The following GALNTL6 variants were observed in gnomAD, a reference collection of about 807,000 sequenced individuals.
GALNTL6 encodes polypeptide N-acetylgalactosaminyltransferase-like 6.
GALNTL6 carries 46 observed loss-of-function variants against 73.7 expected under a neutral mutation model. That is an observed-to-expected ratio of 0.62 (90% CI 0.49 to 0.80). The LOEUF (loss-of-function observed/expected upper bound fraction) is 0.80, where lower values mean the gene tolerates loss of function less well. GALNTL6 is among the 30% of genes least tolerant of loss of function. The pLI is 0.00. For missense variants in GALNTL6, 604 were observed against 755.0 expected, an observed-to-expected ratio of 0.80 and a Z score of 2.34; for synonymous variants, 259 against 263.7, an observed-to-expected ratio of 0.98 and a Z score of 0.17.
At chr4:172,859,243 C>T (rs1467331694) in intron 7 of GALNTL6, among the ~76,000 whole-genome samples, 1 of 152,054 alleles carries the variant, frequency 6.6e-6, no homozygotes, top group Admixed American at 6.6e-5. Context: ...GTTCCAGAGG[C>T]CTTGTTGAAG....
intron 2 of GALNTL6, among the ~76,000 whole-genome samples, chr4:171,956,091 C>T (rs944356994): frequency 6.6e-6 from 1 of 151,554 alleles, no homozygotes; most frequent in African/African-American, 2.4e-5. Flanking sequence ...CAGCCTGAAA[C>T]TCTGGGGCTC....
At chr4:172,220,118 A>T (rs1373390847) in intron 2 of GALNTL6, among the ~76,000 whole-genome samples, 1 of 151,772 alleles carries the variant, frequency 6.6e-6, no homozygotes. Flanking sequence ...ATTAAATAAC[A>T]TAAGAAGATC....
intron 8 of GALNTL6, among the ~76,000 whole-genome samples, chr4:172,900,551 T>C (rs1173721415): frequency 6.6e-6 from 1 of 152,170 alleles, no homozygotes; most frequent in Non-Finnish European, 1.5e-5. Context: ...ATTGTTCAAA[T>C]ATTAGCTGGG....
chr4:172,433,803 T>C (rs1731546380), intron 5 of GALNTL6, among the ~76,000 whole-genome samples: 1 of 152,080 alleles, frequency 6.6e-6, no homozygotes, highest in Non-Finnish European at 1.5e-5. Context: ...TTACTTTCTC[T>C]TACTCAGGAA....
intron 2 of GALNTL6, among the ~76,000 whole-genome samples, chr4:171,982,354 G>T (rs1217870287): frequency 6.6e-6 from 1 of 152,146 alleles, no homozygotes; most frequent in Non-Finnish European, 1.5e-5. Context: ...CTGGAGTGCA[G>T]TGGCGCGATC....
intron 3 of GALNTL6, among the ~76,000 whole-genome samples, chr4:172,305,283 T>C (rs556073433): frequency 6.6e-6 from 1 of 152,256 alleles, no homozygotes; most frequent in Non-Finnish European, 1.5e-5. Context: ...CTATCTGCCT[T>C]AAGTATACAT....
chr4:172,725,061 C>T (rs894439730), intron 5 of GALNTL6, among the ~76,000 whole-genome samples: 4 of 152,006 alleles, frequency 2.6e-5, no homozygotes, highest in Non-Finnish European at 4.4e-5. Context: ...CCCCTGTCTC[C>T]GTGCTTCTGT....
At chr4:171,863,821 A>T (rs1319713271) in intron 2 of GALNTL6, among the ~76,000 whole-genome samples, 4 of 151,950 alleles carry the variant, frequency 2.6e-5, no homozygotes, top group African/African-American at 9.7e-5. Context: ...GAAATGGCAC[A>T]ATGGCAGCTC....
chr4:172,602,368 A>G (rs994005244), intron 5 of GALNTL6, among the ~76,000 whole-genome samples: 1 of 152,162 alleles, frequency 6.6e-6, no homozygotes, highest in African/African-American at 2.4e-5. Flanking sequence ...CAAAAATATT[A>G]GTACATATTA....
chr4:172,897,900 G>A (rs1746413432), intron 8 of GALNTL6, among the ~76,000 whole-genome samples: 1 of 152,208 alleles, frequency 6.6e-6, no homozygotes, highest in Non-Finnish European at 1.5e-5. Flanking sequence ...TCAGTGAGAT[G>A]TAGCCATGCC....
At chr4:172,437,134 T>G (rs1296883642) in intron 5 of GALNTL6, among the ~76,000 whole-genome samples, 1 of 152,128 alleles carries the variant, frequency 6.6e-6, no homozygotes, top group Non-Finnish European at 1.5e-5. Context: ...CTCCATGGAA[T>G]CGTTATTACG....
chr4:172,374,952 A>G (rs907488334), intron 5 of GALNTL6, among the ~76,000 whole-genome samples: 1 of 152,174 alleles, frequency 6.6e-6, no homozygotes, highest in Non-Finnish European at 1.5e-5. Flanking sequence ...TCAGAGAGGG[A>G]GAAGGGGACA....
intron 5 of GALNTL6, among the ~76,000 whole-genome samples, chr4:172,588,750 A>G (rs548953867): frequency 2.0e-5 from 3 of 152,122 alleles, no homozygotes; most frequent in South Asian, 4.1e-4. Context: ...GTCCAAATAT[A>G]TGGGCATACA....
intron 5 of GALNTL6, among the ~76,000 whole-genome samples, chr4:172,456,105 G>C (rs952525115): frequency 6.6e-6 from 1 of 152,094 alleles, no homozygotes; most frequent in Non-Finnish European, 1.5e-5. Context: ...TGCAGCAGAG[G>C]GACCTGACTG....
chr4:171,889,529 G>C (rs1217790480), intron 2 of GALNTL6, among the ~76,000 whole-genome samples: 2 of 152,030 alleles, frequency 1.3e-5, no homozygotes, highest in Non-Finnish European at 1.5e-5. Context: ...AAGAAAATCA[G>C]CTCATTAAAT....
At chr4:171,975,871 A>T (rs1395601154) in intron 2 of GALNTL6, among the ~76,000 whole-genome samples, 1 of 152,198 alleles carries the variant, frequency 6.6e-6, no homozygotes, top group Non-Finnish European at 1.5e-5. Context: ...GACTAAAAAA[A>T]TTAATAAGTT....
intron 2 of GALNTL6, among the ~76,000 whole-genome samples, chr4:171,949,569 G>A (rs1326332045): frequency 6.6e-6 from 1 of 152,192 alleles, no homozygotes; most frequent in Non-Finnish European, 1.5e-5. Flanking sequence ...AAAGTAGATT[G>A]AGGTGGAAAG....
At chr4:172,309,327 C>A (rs1462896034) in intron 3 of GALNTL6, among the ~76,000 whole-genome samples, 1 of 151,830 alleles carries the variant, frequency 6.6e-6, no homozygotes, top group African/African-American at 2.4e-5. Flanking sequence ...CTAACAAAAT[C>A]TTGAATTCTA....
In GALNTL6 at chr4:172,189,154, A is replaced by G. The variant is rs78497951; in HGVS notation, c.139-40502A>G. 2.2e-3 allele frequency among the ~76,000 whole-genome samples: 328 copies of G among 152,316 alleles called. 1 individual carries two copies. The highest frequency in any genetic ancestry group is 7.4e-3 in the African/African-American group (309 of 41,562). ...TATACACTTCACCATATGAAAGGCT[A>G]TAATATGATAAAATCTAACCTTTTA... On this transcript the variant is annotated intron_variant, in intron 2 of 12. Transcript: ENST00000506823.
Sources: gnomAD v4.1 joint callset for allele counts (sites outside exome capture counted in the v4.1 genomes callset) on GRCh38, gnomAD v4.1.1 for gene constraint, MANE v1.5 for transcripts, NCBI Gene and HGNC (gene_info 2026-07-23, HGNC 2026-07-21) for gene names.